The following CDYL variants were observed in gnomAD, a reference collection of about 807,000 sequenced individuals.
CDYL encodes the protein chromodomain Y like, also known as chromodomain Y-like protein.
A neutral mutation model predicts 47.3 loss-of-function variants in CDYL; 8 were observed. The observed-to-expected ratio is 0.17, with a 90% CI of 0.10 to 0.31. The LOEUF (loss-of-function observed/expected upper bound fraction) is 0.31. Ranked by LOEUF, CDYL falls within the 10% of genes least tolerant of loss-of-function variation. CDYL has a pLI of 1.00. For missense variants in CDYL, 471 were observed against 701.4 expected (o/e 0.67, Z 3.71); for synonymous variants, 266 against 265.0 (o/e 1.00, Z -0.04).
At chr6:4,713,559 C>G (rs1469229442) in intron 1 of CDYL, among the ~76,000 whole-genome samples, 1 of 151,262 alleles carries the variant, frequency 6.6e-6, no homozygotes, top group Non-Finnish European at 1.5e-5. Context: ...AAACTGAATA[C>G]AGAGTCTTAA....
intron 3 of CDYL, among the ~76,000 whole-genome samples, chr6:4,744,834 G>A (rs751504675): frequency 6.6e-6 from 1 of 152,090 alleles, no homozygotes; most frequent in Non-Finnish European, 1.5e-5. Flanking sequence ...TGTTTGTAAA[G>A]TAGATTTGAG....
Position 4,939,254 on chromosome 6 carries a change from C to T in CDYL, c.1121+1517C>T, listed in dbSNP as rs1311931366. On this transcript the variant is annotated intron_variant, in intron 4 of 6. Coordinates refer to ENST00000397588, the MANE Select transcript of CDYL (RefSeq NM_004824.4). The stretch of plus-strand genomic sequence containing the variant: ...TTCTAGCACCTAAACCCTTCTAGAG[C>T]TTGCACAGCAGGATTGGTGTGGTGG... Among the ~76,000 whole-genome samples the T allele has an allele frequency of 2.0e-5, 3 of 152,230 alleles. No homozygotes were observed. In the East Asian group the frequency reaches 5.8e-4, roughly 29 times the overall value.
At chr6:4,825,465 A>G (rs1267650963) in intron 1 of CDYL, among the ~76,000 whole-genome samples, 1 of 152,158 alleles carries the variant, frequency 6.6e-6, no homozygotes, top group African/African-American at 2.4e-5. Context: ...AATTGAGTGT[A>G]TTAGCTGTGA....
At chr6:4,718,848 G>A (rs1279046229) in intron 2 of CDYL, among the ~76,000 whole-genome samples, 2 of 150,962 alleles carry the variant, frequency 1.3e-5, no homozygotes, top group Non-Finnish European at 2.9e-5. Context: ...GATTCCTGCA[G>A]GATATTCCAG....
intron 3 of CDYL, among the ~76,000 whole-genome samples, chr6:4,771,259 A>G (rs1262645362): frequency 2.6e-5 from 4 of 152,090 alleles, no homozygotes; most frequent in African/African-American, 4.8e-5. Flanking sequence ...GATTACAAGC[A>G]CATGCCACCA....
Position 4,711,428 on chromosome 6 carries a change from C to A in CDYL, c.-38-4313C>A, listed in dbSNP as rs149933609. On this transcript the variant is annotated intron_variant, in intron 1 of 8. Transcript: ENST00000328908. ...TCCTCTGATTCCCCCTCAGGAGCGA[C>A]AGAAGGCCCTTTACCCTCACCTTTC... Among the ~76,000 whole-genome samples, 892 of 152,296 alleles carry A rather than the reference C, an allele frequency of 5.9e-3. 7 individuals carry two copies. The highest frequency in any genetic ancestry group is 9.0e-3 in the Non-Finnish European group (610 of 68,022).
chr6:4,712,838 T>C (rs1278447316), intron 1 of CDYL, among the ~76,000 whole-genome samples: 1 of 152,212 alleles, frequency 6.6e-6, no homozygotes, highest in Non-Finnish European at 1.5e-5. Flanking sequence ...CAGCCTTCAC[T>C]CTGCCATTTA....
chr6:4,796,843 T>A (rs1488453721), intron 1 of CDYL, among the ~76,000 whole-genome samples: 1 of 152,216 alleles, frequency 6.6e-6, no homozygotes, highest in Non-Finnish European at 1.5e-5. Flanking sequence ...ATTACTATAA[T>A]GTTTGGAATT....
Position 4,876,823 on chromosome 6 carries a change from C to T in CDYL, c.25-14890C>T, listed in dbSNP as rs148001878. ...TTTTGTGGGAATGACGTAAATTTTG[C>T]GGGACCAGAGGTAGAATGCTGTGTT... On this transcript the variant is annotated intron_variant, in intron 1 of 6. Coordinates refer to ENST00000397588, the MANE Select transcript of CDYL (RefSeq NM_004824.4). 1.1e-4 allele frequency among the ~76,000 whole-genome samples: 17 copies of T among 152,172 alleles called. 1 individual carries two copies. The Middle Eastern group carries it at 0.01, about 91-fold the overall frequency.
intron 1 of CDYL, among the ~76,000 whole-genome samples, chr6:4,875,485 C>A (rs1260202408): frequency 6.6e-6 from 1 of 152,076 alleles, no homozygotes; most frequent in African/African-American, 2.4e-5. Flanking sequence ...TTTAATTTGT[C>A]TCAGCCATGT....
At chr6:4,730,629 G>A (rs779170708) in intron 2 of CDYL, among the ~76,000 whole-genome samples, 64 of 142,540 alleles carry the variant, frequency 4.5e-4, no homozygotes, top group Admixed American at 8.5e-4. Flanking sequence ...AGCCGAGATT[G>A]CGCCATTGTA....
At chr6:4,895,202 A>T (rs1323578085) in intron 2 of CDYL, among the ~76,000 whole-genome samples, 2 of 140,326 alleles carry the variant, frequency 1.4e-5, no homozygotes, top group African/African-American at 5.3e-5. Context: ...TGTATACATG[A>T]GTATATATGT....
intron 1 of CDYL, among the ~76,000 whole-genome samples, chr6:4,779,057 T>C (rs763806759): frequency 7.2e-5 from 11 of 152,208 alleles, no homozygotes; most frequent in Non-Finnish European, 1.5e-4. Context: ...GATGATTGTA[T>C]GGTAACTGGC....
At chr6:4,939,437 A>G (rs1758298285) in intron 4 of CDYL, among the ~76,000 whole-genome samples, 1 of 152,224 alleles carries the variant, frequency 6.6e-6, no homozygotes. Flanking sequence ...TTAGCCTCTC[A>G]TGACATATTT....
chr6:4,810,311 GAA>G (rs200383436), intron 1 of CDYL, among the ~76,000 whole-genome samples: 1 of 152,174 alleles, frequency 6.6e-6, no homozygotes, highest in African/African-American at 2.4e-5. Context: ...ATGAGTTAAA[GAA>G]AGAGATTATG....
intron 2 of CDYL, among the ~76,000 whole-genome samples, chr6:4,924,031 T>C (rs1045278061): frequency 1.2e-4 from 18 of 152,224 alleles, no homozygotes; most frequent in Admixed American, 8.5e-4. Flanking sequence ...ACATTGCACT[T>C]GCCACATCTA....
intron 1 of CDYL, among the ~76,000 whole-genome samples, chr6:4,864,585 A>G (rs992648534): frequency 6.6e-6 from 1 of 152,078 alleles, no homozygotes; most frequent in African/African-American, 2.4e-5. Context: ...TGTGATAGGG[A>G]CCCAGGGCAA....
At chr6:4,902,266 C>T (rs1261458095) in intron 2 of CDYL, among the ~76,000 whole-genome samples, 1 of 151,760 alleles carries the variant, frequency 6.6e-6, no homozygotes, top group African/African-American at 2.4e-5. Flanking sequence ...ATTAGCCGGG[C>T]GTGGTGGCGC....
intron 1 of CDYL, among the ~76,000 whole-genome samples, chr6:4,707,398 C>T (rs1757066512): frequency 6.6e-6 from 1 of 152,220 alleles, no homozygotes; most frequent in Non-Finnish European, 1.5e-5. Context: ...CTGCCTCAGC[C>T]TCCTGAGTAG....
Sources: gnomAD v4.1 joint callset for allele counts (sites outside exome capture counted in the v4.1 genomes callset) on GRCh38, gnomAD v4.1.1 for gene constraint, MANE v1.5 for transcripts, NCBI Gene and HGNC (gene_info 2026-07-23, HGNC 2026-07-21) for gene names.